Variants in CSMD1 observed in about 807,000 individuals in gnomAD.
CSMD1 encodes CUB and sushi domain-containing protein 1.
A neutral mutation model predicts 417.5 loss-of-function variants in CSMD1; 213 were observed. The ratio of observed to expected loss-of-function variants is 0.51; its 90% CI spans 0.46 to 0.57. CSMD1 has a LOEUF of 0.57. Among genes scored for constraint, CSMD1 ranks in the 20% least tolerant of loss-of-function variants. The probability of loss-of-function intolerance (pLI) is 0.00; values close to 1 mark genes in which losing one functional copy is unlikely to be tolerated. For missense variants in CSMD1, 6,923 were observed against 4,529.7 expected, an observed-to-expected ratio of 1.53 and a Z score of -15.17; for synonymous variants, 2,862 against 1,736.8, an observed-to-expected ratio of 1.65 and a Z score of -16.11.
At position 3,813,707 on chromosome 8, in the gene CSMD1, C is replaced by T. The variant is rs142502828; in HGVS notation, c.819-59665G>A. On this transcript the variant is annotated intron_variant, in intron 5 of 69. Transcript: ENST00000635120. The stretch of plus-strand genomic sequence containing the variant: ...GTACTTTCCAATATTCAACTATTCA[C>T]TCCTCCTATACCAAATGGTCCATGG... 2.4e-4 allele frequency among the ~76,000 whole-genome samples: 36 copies of T among 151,196 alleles called. No individual in the cohort carries two copies. In the East Asian group the frequency reaches 6.7e-3, roughly 28 times the overall value.
At chr8:4,093,978 ATAGATAG>A (rs1563115334) in intron 3 of CSMD1, among the ~76,000 whole-genome samples, 3 of 151,118 alleles carry the variant, frequency 2.0e-5, no homozygotes, top group Non-Finnish European at 4.4e-5. Context: ...AGATAGATAG[ATAGATAG>A]ATAGATAGAT....
chr8:4,753,585 A>C (rs1811483254), intron 1 of CSMD1, among the ~76,000 whole-genome samples: 1 of 152,090 alleles, frequency 6.6e-6, no homozygotes, highest in Admixed American at 6.6e-5. Context: ...TCTCATTGGC[A>C]CCCATGAACC....
intron 3 of CSMD1, among the ~76,000 whole-genome samples, chr8:4,149,214 T>A (rs1174203621): frequency 6.6e-6 from 1 of 152,090 alleles, no homozygotes; most frequent in African/African-American, 2.4e-5. Context: ...TCCGTCCACC[T>A]CGGCCTCCCA....
At chr8:4,074,114 G>A (rs946294061) in intron 3 of CSMD1, among the ~76,000 whole-genome samples, 1 of 151,962 alleles carries the variant, frequency 6.6e-6, no homozygotes, top group Non-Finnish European at 1.5e-5. Context: ...GAGCTTAAAT[G>A]GGTTTTAAGT....
intron 5 of CSMD1, among the ~76,000 whole-genome samples, chr8:3,926,156 T>C (rs1397351673): frequency 6.9e-6 from 1 of 143,894 alleles, no homozygotes; most frequent in Non-Finnish European, 1.5e-5. Flanking sequence ...AGGTGGGGGT[T>C]TATGTATACT....
In CSMD1 at chr8:3,232,305, C is replaced by T. The variant is rs76038019; in HGVS notation, c.4154-2074G>A. Among the ~76,000 whole-genome samples, 995 of 152,308 alleles carry T rather than the reference C, an allele frequency of 6.5e-3. 58 individuals carry two copies. In the East Asian group the frequency reaches 0.15, roughly 22 times the overall value. ...TATATGTTGCAAGTTCTGTGACTCT[C>T]TCTGTCTTAAATGCTTAACTGGAAT... On this transcript the variant is annotated intron_variant, in intron 26 of 69. Transcript: ENST00000635120.
intron 1 of CSMD1, among the ~76,000 whole-genome samples, chr8:4,866,773 A>C (rs565004351): frequency 6.6e-6 from 1 of 152,022 alleles, no homozygotes; most frequent in Non-Finnish European, 1.5e-5. Context: ...TTATAAACAC[A>C]AGGTAATGGA....
At chr8:4,060,913 T>C (rs576738863) in intron 3 of CSMD1, among the ~76,000 whole-genome samples, 2 of 152,126 alleles carry the variant, frequency 1.3e-5, no homozygotes, top group Admixed American at 6.6e-5. Context: ...CTGTTTCCCA[T>C]TTGCAGTAGA....
chr8:3,197,027 C>T (rs992263988), intron 33 of CSMD1, among the ~76,000 whole-genome samples: 1 of 152,192 alleles, frequency 6.6e-6, no homozygotes, highest in East Asian at 1.9e-4. Flanking sequence ...TACCCTTCTG[C>T]TCTCAAGAAG....
At chr8:4,716,258 A>G (rs1304381798) in intron 1 of CSMD1, among the ~76,000 whole-genome samples, 20 of 152,178 alleles carry the variant, frequency 1.3e-4, no homozygotes, top group Admixed American at 1.3e-3. Flanking sequence ...CTTCAAGACA[A>G]TGCCAGCTCT....
rs575354596 is a variant in CSMD1, at chr8:4,014,470, T to C, written c.611-16360A>G. Among the ~76,000 whole-genome samples the C allele has an allele frequency of 2.0e-5, 3 of 152,312 alleles. No homozygotes were observed. In the East Asian group the frequency reaches 5.8e-4, roughly 29 times the overall value. On this transcript the variant is annotated intron_variant, in intron 4 of 69. Coordinates refer to ENST00000635120, the MANE Select transcript of CSMD1 (RefSeq NM_033225.6). ...TGTGACTTCAGCCTCTAAGAAGCTT[T>C]TTAGACATTGAGTTGGCTTCTTTTG...
At chr8:3,561,446 C>CAGTCACAAA (rs58353989) in intron 10 of CSMD1, among the ~76,000 whole-genome samples, 1 of 152,132 alleles carries the variant, frequency 6.6e-6, no homozygotes, top group Non-Finnish European at 1.5e-5. Flanking sequence ...GGATACCACA[C>CAGTCACAAA]AATCATAAAA....
At chr8:3,746,962 A>C (rs1207832284) in intron 6 of CSMD1, among the ~76,000 whole-genome samples, 1 of 152,244 alleles carries the variant, frequency 6.6e-6, no homozygotes, top group Non-Finnish European at 1.5e-5. Flanking sequence ...CTGAGAAATA[A>C]AGCTGTGACT....
chr8:4,190,255 A>C (rs891000090), intron 3 of CSMD1, among the ~76,000 whole-genome samples: 4,144 of 99,096 alleles, frequency 0.042, 206 homozygotes, highest in African/African-American at 0.14. Context: ...TCCGTCTCCA[A>C]AAAAAAAAAA....
At chr8:3,072,836 G>A (rs899320165) in intron 49 of CSMD1, among the ~76,000 whole-genome samples, 1 of 152,136 alleles carries the variant, frequency 6.6e-6, no homozygotes, top group African/African-American at 2.4e-5. Flanking sequence ...AGGTGTGTGT[G>A]TGGTGCCCAC....
At chr8:3,210,311 G>A (rs887518709) in intron 30 of CSMD1, among the ~76,000 whole-genome samples, 1 of 135,908 alleles carries the variant, frequency 7.4e-6, no homozygotes. Context: ...AGTGTTTCAT[G>A]CGCTGTGCTC....
rs371425703 is a variant in CSMD1 at position 4,956,502 on chromosome 8, T to C, written c.85+37830A>G. On this transcript the variant is annotated intron_variant, in intron 1 of 69. Coordinates refer to ENST00000635120, the MANE Select transcript of CSMD1 (RefSeq NM_033225.6). ...ATGCATATGTGTATAAAAATATATG[T>C]TATCATATACACACGTATTTTAAAT... Among the ~76,000 whole-genome samples the C allele has an allele frequency of 2.7e-5, 4 of 148,872 alleles. No homozygotes were observed. The East Asian group carries it at 7.8e-4, about 29-fold the overall frequency.
chr8:4,838,213 G>C (rs1005208202), intron 1 of CSMD1, among the ~76,000 whole-genome samples: 10 of 152,192 alleles, frequency 6.6e-5, no homozygotes, highest in African/African-American at 2.4e-4. Context: ...AATCCTTTGA[G>C]ATCTCCTTAG....
chr8:4,304,953 T>G (rs561819476), intron 3 of CSMD1, among the ~76,000 whole-genome samples: 2 of 152,120 alleles, frequency 1.3e-5, no homozygotes, highest in Non-Finnish European at 2.9e-5. Context: ...CAGGCTGTGG[T>G]ATTTGCTACA....
Sources: allele counts gnomAD v4.1 joint callset (sites outside exome capture counted in the v4.1 genomes callset), GRCh38; gene constraint gnomAD v4.1.1; transcripts MANE v1.5; gene names NCBI Gene and HGNC (gene_info 2026-07-23, HGNC 2026-07-21).